CFAP299: variants seen among roughly 807,000 people sequenced by gnomAD.
The protein encoded by CFAP299 is cilia and flagella associated protein 299, also known as cilia- and flagella-associated protein 299.
In CFAP299, 21 loss-of-function variants were observed where a neutral mutation model predicts 27.0. The ratio of observed to expected loss-of-function variants is 0.78; its 90% confidence interval spans 0.55 to 1.12. The LOEUF is 1.12. CFAP299 is among the 50% of genes most tolerant of loss of function. The pLI is 0.00. For missense variants in CFAP299, 310 were observed against 276.6 expected (o/e 1.12, Z -0.86); for synonymous variants, 104 against 98.1 (o/e 1.06, Z -0.36).
chr4:80,638,023 G>C (rs1018430068), intron 3 of CFAP299, among the ~76,000 whole-genome samples: 1 of 152,192 alleles, frequency 6.6e-6, no homozygotes, highest in Non-Finnish European at 1.5e-5. Context: ...TTATGTGAGA[G>C]AAAATTTGGT....
chr4:80,351,443 G>T (rs1354117442), intron 1 of CFAP299, among the ~76,000 whole-genome samples: 1 of 152,040 alleles, frequency 6.6e-6, no homozygotes, highest in Non-Finnish European at 1.5e-5. Context: ...AATAATTCTT[G>T]TAAATCACAG....
At chr4:80,474,706 A>T (rs1291613051) in intron 2 of CFAP299, among the ~76,000 whole-genome samples, 1 of 152,236 alleles carries the variant, frequency 6.6e-6, no homozygotes, top group Non-Finnish European at 1.5e-5. Flanking sequence ...ACAAATAATG[A>T]AAATGTAAAG....
chr4:80,523,297 T>C (rs974417759), intron 2 of CFAP299, among the ~76,000 whole-genome samples: 9 of 152,194 alleles, frequency 5.9e-5, no homozygotes, highest in African/African-American at 1.2e-4. Context: ...TTGTTGCTGC[T>C]GTATAGAAAC....
rs376921056 is a variant in CFAP299 at position 80,887,838 on chromosome 4, A to T, written c.476+17703A>T. The stretch of plus-strand genomic sequence containing the variant: ...AGTTAAAAAGTGGGAGGATGAAGTT[A>T]AGGTGTAGAGTTCTCATTAGTTTTC... On this transcript the variant is annotated intron_variant, in intron 4 of 5. Transcript: ENST00000358105. Among the ~76,000 whole-genome samples the T allele has an allele frequency of 9.9e-5, 15 of 152,248 alleles. No individual in the cohort carries two copies. In the South Asian group the frequency reaches 1.4e-3, roughly 15 times the overall value.
At chr4:80,633,316 T>G (rs1363405364) in intron 3 of CFAP299, among the ~76,000 whole-genome samples, 1 of 151,950 alleles carries the variant, frequency 6.6e-6, no homozygotes, top group Non-Finnish European at 1.5e-5. Flanking sequence ...CATGGTGGCA[T>G]GCTCCTGTAG....
At chr4:80,528,618 C>A (rs1284698683) in intron 2 of CFAP299, among the ~76,000 whole-genome samples, 1 of 152,102 alleles carries the variant, frequency 6.6e-6, no homozygotes, top group Non-Finnish European at 1.5e-5. Context: ...AAATTGCTAC[C>A]AATTTCTAAT....
At chr4:80,814,245 C>T (rs1029170970) in intron 3 of CFAP299, among the ~76,000 whole-genome samples, 2 of 152,006 alleles carry the variant, frequency 1.3e-5, no homozygotes, top group Non-Finnish European at 2.9e-5. Flanking sequence ...TATGTTCTTT[C>T]CTTCAAAATG....
At chr4:80,353,158 C>T (rs555616166) in intron 1 of CFAP299, among the ~76,000 whole-genome samples, 5 of 152,312 alleles carry the variant, frequency 3.3e-5, no homozygotes, top group African/African-American at 4.8e-5. Context: ...AAACCCCTTA[C>T]TAGGCTGATT....
chr4:80,388,872 TG>T (rs1161412942), intron 2 of CFAP299, among the ~76,000 whole-genome samples: 3 of 152,210 alleles, frequency 2.0e-5, no homozygotes, highest in Non-Finnish European at 4.4e-5. Context: ...AAATTATTCT[TG>T]TAAGGCATTG....
chr4:80,388,821 T>C, intron 2 of CFAP299: 1 of 395,796 alleles, frequency 2.5e-6, no homozygotes, highest in East Asian at 4.4e-5. Context: ...CTATTTCTTC[T>C]CTTCCAATCA....
chr4:80,482,474 C>A (rs1254235444), intron 2 of CFAP299, among the ~76,000 whole-genome samples: 1 of 151,984 alleles, frequency 6.6e-6, no homozygotes, highest in East Asian at 1.9e-4. Context: ...TCTTGGCATG[C>A]AGGCTATAAT....
intron 3 of CFAP299, among the ~76,000 whole-genome samples, chr4:80,868,786 G>C (rs142007079): frequency 6.6e-6 from 1 of 151,604 alleles, no homozygotes; most frequent in East Asian, 1.9e-4. Context: ...ACAATATCTA[G>C]TCTGCCATTC....
At chr4:80,500,651 A>G (rs1232855355) in intron 2 of CFAP299, among the ~76,000 whole-genome samples, 1 of 152,108 alleles carries the variant, frequency 6.6e-6, no homozygotes, top group Non-Finnish European at 1.5e-5. Flanking sequence ...TTGGCAGTAT[A>G]TTCAGTAAGT....
intron 2 of CFAP299, among the ~76,000 whole-genome samples, chr4:80,496,490 G>T (rs1731447939): frequency 6.6e-6 from 1 of 152,134 alleles, no homozygotes; most frequent in African/African-American, 2.4e-5. Flanking sequence ...TCATCAGCCT[G>T]GCCTACATTA....
chr4:80,890,287 A>T (rs1349736173), intron 4 of CFAP299, among the ~76,000 whole-genome samples: 6 of 152,192 alleles, frequency 3.9e-5, no homozygotes, highest in African/African-American at 1.4e-4. Context: ...AAGTTGCGTG[A>T]TACAAAATCA....
intron 3 of CFAP299, among the ~76,000 whole-genome samples, chr4:80,850,538 A>T (rs1731458700): frequency 6.6e-6 from 1 of 152,058 alleles, no homozygotes; most frequent in African/African-American, 2.4e-5. Flanking sequence ...TGCATTATTG[A>T]ATAAAATAAA....
chr4:80,910,253 A>G (rs1735400501), intron 4 of CFAP299, among the ~76,000 whole-genome samples: 1 of 152,174 alleles, frequency 6.6e-6, no homozygotes, highest in Non-Finnish European at 1.5e-5. Flanking sequence ...TAGTTCAACC[A>G]TTGTGGAAAA....
chr4:80,762,966 T>C (rs1272157526), intron 3 of CFAP299, among the ~76,000 whole-genome samples: 1 of 152,200 alleles, frequency 6.6e-6, no homozygotes, highest in Non-Finnish European at 1.5e-5. Flanking sequence ...CTTTCTTTTC[T>C]TTCCACAGGT....
intron 3 of CFAP299, among the ~76,000 whole-genome samples, chr4:80,590,213 C>G (rs1426633369): frequency 6.6e-6 from 1 of 152,190 alleles, no homozygotes; most frequent in Non-Finnish European, 1.5e-5. Flanking sequence ...AAATGACACT[C>G]CGTCACTGAT....
Sources: allele counts gnomAD v4.1 joint callset (sites outside exome capture counted in the v4.1 genomes callset), GRCh38; gene constraint gnomAD v4.1.1; transcripts MANE v1.5; gene names NCBI Gene and HGNC (gene_info 2026-07-23, HGNC 2026-07-21).